Variants in BLACAT1 observed in about 807,000 individuals in gnomAD.
BLACAT1 encodes BLACAT1 overlapping LEMD1 locus, also known as bladder cancer associated transcript 1.
chr1:205,447,117 A>T (rs748010518), intron 1 of BLACAT1, among the ~76,000 whole-genome samples: 82 of 152,330 alleles, frequency 5.4e-4, no homozygotes, highest in Non-Finnish European at 8.5e-4. Context: ...GGCTCTCCCA[A>T]TATGCAGCAT....
intron 1 of BLACAT1, among the ~76,000 whole-genome samples, chr1:205,444,578 G>A (rs1340657875): frequency 1.3e-5 from 2 of 152,130 alleles, no homozygotes; most frequent in Non-Finnish European, 2.9e-5. Flanking sequence ...GTCAGAGACA[G>A]CATGAACATG....
intron 1 of BLACAT1, among the ~76,000 whole-genome samples, chr1:205,445,322 G>A: frequency 6.6e-6 from 1 of 152,180 alleles, no homozygotes; most frequent in East Asian, 1.9e-4. Flanking sequence ...GGTGGGTGGT[G>A]GCACAAACTA....
intron 1 of BLACAT1, among the ~76,000 whole-genome samples, chr1:205,444,438 C>A (rs980873383): frequency 6.6e-6 from 1 of 152,088 alleles, no homozygotes; most frequent in Non-Finnish European, 1.5e-5. Flanking sequence ...ATCCGTCCTC[C>A]CCCACCACTA....
At chr1:205,451,358 G>T (rs1156859475) in intron 1 of BLACAT1, among the ~76,000 whole-genome samples, 3 of 152,102 alleles carry the variant, frequency 2.0e-5, no homozygotes, top group Non-Finnish European at 4.4e-5. Flanking sequence ...TAGCCCTCAG[G>T]TACTCCCATT....
intron 1 of BLACAT1, among the ~76,000 whole-genome samples, chr1:205,443,755 G>T (rs954796832): frequency 6.6e-6 from 1 of 152,210 alleles, no homozygotes; most frequent in African/African-American, 2.4e-5. Context: ...GGCTGCCTGG[G>T]CTCTGTCTGC....
chr1:205,448,878 A>C lies in BLACAT1; in HGVS notation c.-37+7039T>G, dbSNP rs1666448756. ...GGGCAAAGGAGGGTCTGGGTAAAGG[A>C]GGGCAGCGATGAGGACCTACCCTTT... On this transcript the variant is annotated intron_variant, in intron 1 of 1. Transcript: ENST00000629624. This position sits in a 1 kb window ranked among gnomAD's most constrained non-coding sequence, Gnocchi z 4.7. Among the ~76,000 whole-genome samples the C allele has an allele frequency of 6.6e-6, 1 of 152,104 alleles. No individual in the cohort carries two copies. The highest frequency in any genetic ancestry group is 6.5e-5 in the Admixed American group (1 of 15,276).
chr1:205,455,514 C>A (rs980395689), intron 1 of BLACAT1, among the ~76,000 whole-genome samples: 2 of 152,172 alleles, frequency 1.3e-5, no homozygotes, highest in South Asian at 4.1e-4. Flanking sequence ...TTCCTCATAC[C>A]ACTCCATACC....
At chr1:205,437,008 A>T (rs1666220079), downstream of BLACAT1, 1 of 152,514 alleles carries the variant, frequency 6.6e-6, no homozygotes, top group African/African-American at 2.4e-5. Context: ...GTCAGGAGTC[A>T]GTCATGGCAG....
chr1:205,451,534 C>A (rs956576724), intron 1 of BLACAT1, among the ~76,000 whole-genome samples: 1 of 151,792 alleles, frequency 6.6e-6, no homozygotes, highest in African/African-American at 2.4e-5. Flanking sequence ...TGGGCCCTGC[C>A]GCCTGTGGCA....
At chr1:205,454,241 C>T (rs1666534501) in intron 1 of BLACAT1, among the ~76,000 whole-genome samples, 1 of 152,214 alleles carries the variant, frequency 6.6e-6, no homozygotes, top group East Asian at 1.9e-4. Context: ...CATATGACTG[C>T]AATTCAGAGC....
downstream of BLACAT1, among the ~76,000 whole-genome samples, chr1:205,439,171 C>G (rs1666254346): frequency 6.6e-6 from 1 of 152,214 alleles, no homozygotes; most frequent in South Asian, 2.1e-4. Context: ...CACCCAAGGC[C>G]TCTACTATCC....
chr1:205,448,541 T>TCACCATCTTC lies in BLACAT1; in HGVS notation c.-37+7366_-37+7375dup. On this transcript the variant is annotated intron_variant, in intron 1 of 1. Coordinates refer to ENST00000629624, the Ensembl canonical transcript of BLACAT1. The surrounding 1 kb of genome is among the most constrained non-coding windows in gnomAD (Gnocchi z 4.7). ...ACTGGGCCCCCCAGGTTAAATTCTC[T>TCACCATCTTC]CACCATCTTCCACCACCTGCACTAA... 1 of 370,376 alleles carries TCACCATCTTC rather than the reference T, an allele frequency of 2.7e-6. No homozygotes were observed. Among genetic ancestry groups the TCACCATCTTC allele is most frequent in the Non-Finnish European group, 5.4e-6 (1 of 186,914 alleles). 22.9% of individuals were successfully genotyped at this position (370,376 alleles called of 1,614,324 possible). A position where few individuals can be genotyped will look rare whatever the true frequency, so the allele number is the denominator to read the frequency against.
chr1:205,440,114 G>A (rs1302556391), exon 2 of BLACAT1, among the ~76,000 whole-genome samples: 1 of 152,152 alleles, frequency 6.6e-6, no homozygotes, highest in African/African-American at 2.4e-5. Context: ...TCAAGGGAGG[G>A]CACGGCTCAG....
intron 1 of BLACAT1, among the ~76,000 whole-genome samples, chr1:205,447,233 C>T (rs1208475718): frequency 6.6e-6 from 1 of 152,208 alleles, no homozygotes; most frequent in African/African-American, 2.4e-5. Context: ...GCTCCCTGTG[C>T]CTCAGAATTC....
At position 205,448,151 on chromosome 1, in the gene BLACAT1, G is replaced by A. The variant is rs1348960893; in HGVS notation, c.-36-7089C>T. Among the ~76,000 whole-genome samples, 3 of 152,162 alleles carry A rather than the reference G, an allele frequency of 2.0e-5. No homozygotes were observed. Among genetic ancestry groups the A allele is most frequent in the Non-Finnish European group, 4.4e-5 (3 of 68,036 alleles). The stretch of plus-strand genomic sequence containing the variant: ...CAGAGTGAGGAAACAGGGCCAGAAG[G>A]GAAGTGACTGGGCCAAGGTCACACG... On this transcript the variant is annotated intron_variant, in intron 1 of 1. Transcript: ENST00000629624. This position sits in a 1 kb window ranked among gnomAD's most constrained non-coding sequence, Gnocchi z 4.7.
downstream of BLACAT1, among the ~76,000 whole-genome samples, chr1:205,438,108 C>T (rs564799180): frequency 1.3e-5 from 2 of 152,186 alleles, no homozygotes; most frequent in African/African-American, 4.8e-5. Context: ...CACAAGGACC[C>T]CAAGCACCCT....
chr1:205,438,358 A>C (rs1352027297), downstream of BLACAT1, among the ~76,000 whole-genome samples: 1 of 152,242 alleles, frequency 6.6e-6, no homozygotes, highest in Non-Finnish European at 1.5e-5. Context: ...GGAGAGAACC[A>C]TGGAGAGAGG....
intron 1 of BLACAT1, among the ~76,000 whole-genome samples, chr1:205,446,586 G>C (rs1666393121): frequency 6.6e-6 from 1 of 152,222 alleles, no homozygotes; most frequent in Non-Finnish European, 1.5e-5. Flanking sequence ...CAGTTGCAGG[G>C]GGCAGGAAGG....
downstream of BLACAT1, among the ~76,000 whole-genome samples, chr1:205,438,876 C>A (rs1209740471): frequency 4.6e-5 from 7 of 152,210 alleles, no homozygotes; most frequent in African/African-American, 1.7e-4. Flanking sequence ...CAGCTGCAAT[C>A]CCTGCCAAGG....
Sources: gnomAD v4.1 joint callset for allele counts (sites outside exome capture counted in the v4.1 genomes callset) on GRCh38, gnomAD v4.1.1 for gene constraint, Gnocchi (gnomAD v3.1) non-coding constraint, MANE v1.5 for transcripts, NCBI Gene and HGNC (gene_info 2026-07-23, HGNC 2026-07-21) for gene names.